Variants in KLHL32 observed in about 807,000 individuals in gnomAD.
KLHL32 encodes kelch-like protein 32.
In KLHL32, 35 loss-of-function variants were observed where a neutral mutation model predicts 64.8. The observed-to-expected ratio is 0.54, with a 90% CI of 0.41 to 0.72. The LOEUF (loss-of-function observed/expected upper bound fraction) is 0.72, where lower values mean the gene tolerates loss of function less well. Among genes scored for constraint, KLHL32 ranks in the 30% least tolerant of loss-of-function variants. KLHL32 has a pLI of 0.00. For missense variants in KLHL32, 589 were observed against 768.5 expected, an observed-to-expected ratio of 0.77 and a Z score of 2.76; for synonymous variants, 259 against 281.0, an observed-to-expected ratio of 0.92 and a Z score of 0.78.
chr6:97,139,225 T>C lies in KLHL32; in HGVS notation c.1806T>C (p.Phe602=), dbSNP rs1800416006. The change falls in exon 11 of 11, where the codon TTT becomes TTC. Residue 602 remains phenylalanine, a synonymous_variant. Coordinates refer to ENST00000369261, the MANE Select transcript of KLHL32 (RefSeq NM_052904.4). ...CATGCTTCCTTCCAGCTCCATATTT[T>C]ACATGCCCTAACCTTCAAACTCTTC... The part of the protein sequence containing the change: ...IAACFLPAPY[F]TCPNLQTLQV... 1 of 1,613,956 alleles carries C rather than the reference T, an allele frequency of 6.2e-7. No homozygotes were observed. The highest frequency in any genetic ancestry group is 8.5e-7 in the Non-Finnish European group (1 of 1,179,958).
intron 1 of KLHL32, among the ~76,000 whole-genome samples, chr6:96,944,104 C>G (rs1336930690): frequency 6.6e-6 from 1 of 152,116 alleles, no homozygotes; most frequent in East Asian, 1.9e-4. Context: ...GGCTGTTGCT[C>G]ATCGTTATAT....
chr6:97,112,601 C>T (rs1354654720), intron 6 of KLHL32, among the ~76,000 whole-genome samples: 1 of 151,908 alleles, frequency 6.6e-6, no homozygotes, highest in African/African-American at 2.4e-5. Flanking sequence ...CACGTGCCAC[C>T]ACGCCCAGCT....
intron 3 of KLHL32, among the ~76,000 whole-genome samples, chr6:97,040,620 A>G (rs1784973781): frequency 6.6e-6 from 1 of 152,130 alleles, no homozygotes; most frequent in Admixed American, 6.5e-5. Flanking sequence ...CGCTGGTCCA[A>G]GGGCTACACT....
chr6:97,044,824 G>A (rs1369827104), intron 4 of KLHL32, among the ~76,000 whole-genome samples: 1 of 151,436 alleles, frequency 6.6e-6, no homozygotes, highest in East Asian at 1.9e-4. Flanking sequence ...AGTCTCTTAT[G>A]GTCCTTTGTA....
At chr6:97,024,493 G>A (rs1466265200) in intron 3 of KLHL32, among the ~76,000 whole-genome samples, 2 of 151,850 alleles carry the variant, frequency 1.3e-5, no homozygotes, top group Non-Finnish European at 2.9e-5. Flanking sequence ...TCAATTCAAG[G>A]TAAGTTACCA....
intron 2 of KLHL32, 54 bp downstream of exon 2, chr6:96,967,137 C>G: frequency 2.0e-6 from 3 of 1,517,792 alleles, no homozygotes; most frequent in Non-Finnish European, 2.7e-6. Flanking sequence ...GAAATAAGTG[C>G]ATTGCACGTT....
At chr6:96,963,137 T>G (rs927885538) in intron 1 of KLHL32, among the ~76,000 whole-genome samples, 2 of 152,152 alleles carry the variant, frequency 1.3e-5, no homozygotes, top group Non-Finnish European at 2.9e-5. Flanking sequence ...AAACAGAAAT[T>G]TATTTCCATG....
At chr6:96,923,846 G>A (rs748937679), upstream of KLHL32, among the ~76,000 whole-genome samples, 4 of 152,170 alleles carry the variant, frequency 2.6e-5, no homozygotes, top group Non-Finnish European at 5.9e-5. Flanking sequence ...TTTCAATTCG[G>A]TGGTGGAATA....
chr6:97,044,898 C>T (rs1317798175), intron 4 of KLHL32, among the ~76,000 whole-genome samples: 3 of 151,314 alleles, frequency 2.0e-5, no homozygotes, highest in Non-Finnish European at 4.4e-5. Context: ...TGAATCTTCT[C>T]GTTTTTTTTC....
chr6:96,986,910 A>T (rs575100806), intron 3 of KLHL32, among the ~76,000 whole-genome samples: 1 of 152,242 alleles, frequency 6.6e-6, no homozygotes, highest in Admixed American at 6.5e-5. Flanking sequence ...CCCCAGTGAG[A>T]TGAACCCAGT....
intron 3 of KLHL32, among the ~76,000 whole-genome samples, chr6:97,027,656 C>A (rs1782930643): frequency 6.6e-6 from 1 of 152,190 alleles, no homozygotes; most frequent in Admixed American, 6.5e-5. Context: ...TTTACTCTTT[C>A]AAAGACCATG....
intron 1 of KLHL32, among the ~76,000 whole-genome samples, chr6:96,962,575 G>T (rs994171305): frequency 3.9e-5 from 6 of 152,176 alleles, no homozygotes; most frequent in African/African-American, 1.4e-4. Context: ...AACTACATTA[G>T]CAAAAAGTGA....
chr6:97,107,088 C>G (rs1043398408), intron 6 of KLHL32, among the ~76,000 whole-genome samples: 1 of 152,044 alleles, frequency 6.6e-6, no homozygotes, highest in African/African-American at 2.4e-5. Context: ...GTCAGGAGAT[C>G]GAGACCATCT....
chr6:96,911,918 G>C, the KLHL32 span, among the ~76,000 whole-genome samples: 1 of 130,344 alleles, frequency 7.7e-6, no homozygotes, highest in Non-Finnish European at 1.5e-5. Context: ...CTAGGCTCTT[G>C]GCGCTCCTCA....
chr6:96,983,383 T>A (rs1371478090), intron 3 of KLHL32, among the ~76,000 whole-genome samples: 1 of 152,298 alleles, frequency 6.6e-6, no homozygotes, highest in African/African-American at 2.4e-5. Flanking sequence ...ATCAGGATGA[T>A]GCTGGCCTCA....
chr6:96,986,721 A>C (rs1018606111), intron 3 of KLHL32, among the ~76,000 whole-genome samples: 7 of 152,168 alleles, frequency 4.6e-5, no homozygotes, highest in African/African-American at 1.7e-4. Context: ...ACCGTTGGAA[A>C]AGCACAGTAT....
chr6:97,005,836 G>A (rs1779599591), intron 3 of KLHL32, among the ~76,000 whole-genome samples: 2 of 152,072 alleles, frequency 1.3e-5, no homozygotes, highest in African/African-American at 4.8e-5. Context: ...ACTGTGCTCT[G>A]AGAATGTGGT....
chr6:97,047,945 C>T (rs915448763), intron 4 of KLHL32, among the ~76,000 whole-genome samples: 16 of 152,174 alleles, frequency 1.1e-4, no homozygotes, highest in Non-Finnish European at 1.8e-4. Context: ...GCAAATAGGA[C>T]TGCGAACCAC....
chr6:96,989,290 C>G (rs1777554775), intron 3 of KLHL32, among the ~76,000 whole-genome samples: 1 of 152,152 alleles, frequency 6.6e-6, no homozygotes, highest in Non-Finnish European at 1.5e-5. Flanking sequence ...TAAGCCAGGT[C>G]TGTTGGTAAT....
Sources: allele counts gnomAD v4.1 joint callset (sites outside exome capture counted in the v4.1 genomes callset), GRCh38; gene constraint gnomAD v4.1.1; transcripts MANE v1.5; gene names NCBI Gene and HGNC (gene_info 2026-07-23, HGNC 2026-07-21).